The following STX8 variants were observed in gnomAD, a reference collection of about 807,000 sequenced individuals.
STX8 encodes syntaxin-8.
In STX8, 23 loss-of-function variants were observed where a neutral mutation model predicts 37.5. The observed-to-expected ratio is 0.61, with a 90% confidence interval of 0.44 to 0.87. The LOEUF is 0.87. Among genes scored for constraint, STX8 ranks in the 40% least tolerant of loss-of-function variants. The probability of loss-of-function intolerance (pLI) is 0.00; values close to 1 mark genes in which losing one functional copy is unlikely to be tolerated. For synonymous variants in STX8, 115 were observed against 99.1 expected (o/e 1.16, Z -0.95); for missense variants, 313 against 284.7 (o/e 1.10, Z -0.71).
At chr17:9,552,385 C>T (rs1906800287) in intron 3 of STX8, among the ~76,000 whole-genome samples, 1 of 152,176 alleles carries the variant, frequency 6.6e-6, no homozygotes, top group Non-Finnish European at 1.5e-5. Context: ...AAAACTTCTG[C>T]TACACAAACA....
intron 6 of STX8, among the ~76,000 whole-genome samples, chr17:9,437,009 T>TA (rs2142379863): frequency 6.6e-6 from 1 of 152,302 alleles, no homozygotes; most frequent in East Asian, 1.9e-4. Context: ...CCTTAGGGTA[T>TA]TATGAAGCAT....
At chr17:9,459,925 GC>G (rs1310226567) in intron 6 of STX8, among the ~76,000 whole-genome samples, 1 of 152,208 alleles carries the variant, frequency 6.6e-6, no homozygotes, top group Non-Finnish European at 1.5e-5. Context: ...GGATGCTGCA[GC>G]TTTGCAGCAT....
rs766422454 is a variant in STX8 at position 9,545,212 on chromosome 17, C to T, written c.283G>A (p.Ala95Thr). The part of the protein sequence containing the change: ...DLVTRERLLL[A>T]SFKNEGAEPD... ...TCGGCACCCTCATTCTTAAAGGATGCCAGAAGTAGTCTCTCTCGAGTTACA... is the reference window on the plus strand; with the variant it reads ...TCGGCACCCTCATTCTTAAAGGATGTCAGAAGTAGTCTCTCTCGAGTTACA... The change falls in exon 4 of 8, where the codon GCA becomes ACA. Residue 95 changes from alanine (A) to threonine (T), a missense_variant. Physicochemically the swap from Ala to Thr is moderately conservative, Grantham distance 58. Transcript: ENST00000306357. The T allele has an allele frequency of 6.2e-7, 1 of 1,614,058 alleles. No homozygotes were observed. Among genetic ancestry groups the T allele is most frequent in the Non-Finnish European group, 8.5e-7 (1 of 1,179,968 alleles).
intron 4 of STX8, among the ~76,000 whole-genome samples, chr17:9,535,835 G>A (rs1292072078): frequency 6.6e-6 from 1 of 152,034 alleles, no homozygotes; most frequent in Non-Finnish European, 1.5e-5. Flanking sequence ...AACAATACTC[G>A]CATATATATA....
chr17:9,445,767 T>C (rs1904826885), intron 6 of STX8, among the ~76,000 whole-genome samples: 1 of 152,098 alleles, frequency 6.6e-6, no homozygotes, highest in Admixed American at 6.6e-5. Context: ...ACACTACTTT[T>C]TCAATAGCAG....
chr17:9,442,701 C>A (rs1426368787), intron 6 of STX8, among the ~76,000 whole-genome samples: 1 of 152,140 alleles, frequency 6.6e-6, no homozygotes, highest in African/African-American at 2.4e-5. Context: ...AGCCACTGTG[C>A]CCGGCCTGTA....
At chr17:9,316,475 T>C (rs1567780893) in intron 7 of STX8, among the ~76,000 whole-genome samples, 1 of 152,080 alleles carries the variant, frequency 6.6e-6, no homozygotes, top group East Asian at 1.9e-4. Context: ...TAATCTACCA[T>C]GTTTATGTAA....
At chr17:9,263,173 T>TA (rs1044894285) in intron 7 of STX8, among the ~76,000 whole-genome samples, 2 of 148,678 alleles carry the variant, frequency 1.3e-5, no homozygotes, top group African/African-American at 5.0e-5. Context: ...ATCCTGTCTC[T>TA]AAAAAATAAG....
chr17:9,359,092 G>C (rs1910976010), intron 7 of STX8, among the ~76,000 whole-genome samples: 1 of 151,568 alleles, frequency 6.6e-6, no homozygotes, highest in Non-Finnish European at 1.5e-5. Flanking sequence ...GCCCAGGCTG[G>C]AGTGCAATGG....
At chr17:9,541,483 A>G (rs747083740) in intron 4 of STX8, among the ~76,000 whole-genome samples, 1 of 152,176 alleles carries the variant, frequency 6.6e-6, no homozygotes, top group Admixed American at 6.5e-5. Flanking sequence ...TTGTATTTAT[A>G]AAGGTCTTAG....
chr17:9,527,496 G>C (rs950382569), intron 4 of STX8, among the ~76,000 whole-genome samples: 5 of 152,116 alleles, frequency 3.3e-5, no homozygotes, highest in African/African-American at 1.2e-4. Context: ...GCGTGATTAG[G>C]TAATTCTACT....
rs370796280 is a variant in STX8 at position 9,379,155 on chromosome 17, G to A, written c.542-502C>T. The stretch of plus-strand genomic sequence containing the variant: ...AGCTACTCGGGAGGCTGAGGTAGGA[G>A]AATCGCTTGAACCCGGGAGGCAGAG... On this transcript the variant is annotated intron_variant, in intron 6 of 7. Coordinates refer to ENST00000306357, the MANE Select transcript of STX8 (RefSeq NM_004853.3). Among the ~76,000 whole-genome samples the A allele has an allele frequency of 5.3e-5, 8 of 150,188 alleles. No individual in the cohort carries two copies. In the South Asian group the frequency reaches 1.7e-3, roughly 32 times the overall value.
At chr17:9,350,708 T>C (rs1169642001) in intron 7 of STX8, among the ~76,000 whole-genome samples, 1 of 152,122 alleles carries the variant, frequency 6.6e-6, no homozygotes, top group Non-Finnish European at 1.5e-5. Context: ...AATTTTTGTA[T>C]TTTTAGTAGA....
chr17:9,513,002 G>A (rs1905064178), intron 4 of STX8, among the ~76,000 whole-genome samples: 1 of 152,002 alleles, frequency 6.6e-6, no homozygotes, highest in Non-Finnish European at 1.5e-5. Flanking sequence ...CACAAGCACA[G>A]GCAACAAAAG....
At chr17:9,446,942 G>A (rs1211511843) in intron 6 of STX8, among the ~76,000 whole-genome samples, 2 of 152,086 alleles carry the variant, frequency 1.3e-5, no homozygotes, top group African/African-American at 4.8e-5. Flanking sequence ...GATTTGATAG[G>A]ATTTAAGATT....
intron 4 of STX8, among the ~76,000 whole-genome samples, chr17:9,534,736 C>T (rs1339521217): frequency 1.3e-5 from 2 of 151,748 alleles, no homozygotes; most frequent in Non-Finnish European, 2.9e-5. Context: ...TGCAGTCAGC[C>T]GAGATTGCGC....
At chr17:9,559,752 A>ATTTTT (rs1567610125) in intron 2 of STX8, among the ~76,000 whole-genome samples, 1 of 35,012 alleles carries the variant, frequency 2.9e-5, no homozygotes, top group African/African-American at 1.4e-4. Context: ...ATATATATAT[A>ATTTTT]TATATATATT....
intron 6 of STX8, among the ~76,000 whole-genome samples, chr17:9,411,530 A>G (rs1210273154): frequency 6.6e-6 from 1 of 152,262 alleles, no homozygotes; most frequent in Non-Finnish European, 1.5e-5. Context: ...CAAAGTTTTC[A>G]AGTAAACTTG....
intron 2 of STX8, among the ~76,000 whole-genome samples, chr17:9,558,714 G>T (rs895331678): frequency 6.6e-6 from 1 of 152,068 alleles, no homozygotes; most frequent in Non-Finnish European, 1.5e-5. Context: ...TCCCAGCTAC[G>T]CGGGAGGCTG....
Sources: allele counts gnomAD v4.1 joint callset (sites outside exome capture counted in the v4.1 genomes callset), GRCh38; gene constraint gnomAD v4.1.1; transcripts MANE v1.5; gene names NCBI Gene and HGNC (gene_info 2026-07-23, HGNC 2026-07-21).